UGT2B7: variants seen among roughly 807,000 people sequenced by gnomAD.
UGT2B7 encodes UDP glucuronosyltransferase family 2 member B7.
Under a neutral mutation model 51.9 loss-of-function variants are expected in UGT2B7, and 51 were observed. The ratio of observed to expected loss-of-function variants is 0.98; its 90% confidence interval spans 0.78 to 1.24. The LOEUF is 1.24. Ranked by LOEUF, UGT2B7 falls within the 50% of genes most tolerant of loss-of-function variation. The pLI, the probability that UGT2B7 is intolerant of heterozygous loss-of-function variation, is 0.00. For missense variants in UGT2B7, 727 were observed against 628.4 expected (o/e 1.16, Z -1.68); for synonymous variants, 225 against 211.6 (o/e 1.06, Z -0.55).
chr4:69,082,368 T>G (rs1718857933), intron 1 of UGT2B7, among the ~76,000 whole-genome samples: 1 of 150,596 alleles, frequency 6.6e-6, no homozygotes, highest in Admixed American at 6.7e-5. Context: ...AAGTTAAGCC[T>G]CTTGCATCAA....
Position 69,096,842 on chromosome 4 carries a change from T to C in UGT2B7, c.322T>C (p.Tyr108His). ...SDLPKDTFWL[Y>H]FSQVQEIMSI... ...CCTTCCAAAAGATACATTTTGGTTATATTTTTCACAAGTACAGGAAATCAT... is the reference window on the plus strand; with the variant it reads ...CCTTCCAAAAGATACATTTTGGTTACATTTTTCACAAGTACAGGAAATCAT... The change falls in exon 1 of 6, where the codon TAT (tyrosine) becomes CAT (histidine). Residue 108 changes from tyrosine to histidine, a missense_variant. Physicochemically the swap from Tyr to His is moderately conservative, Grantham distance 83. Coordinates refer to ENST00000305231, the MANE Select transcript of UGT2B7 (RefSeq NM_001074.4). The C allele has an allele frequency of 1.2e-6, 2 of 1,613,816 alleles. No homozygotes were observed. The highest frequency in any genetic ancestry group is 1.7e-6 in the Non-Finnish European group (2 of 1,179,886).
At chr4:69,077,261 C>A (rs1020894576) in intron 1 of UGT2B7, among the ~76,000 whole-genome samples, 12 of 151,076 alleles carry the variant, frequency 7.9e-5, no homozygotes, top group African/African-American at 2.9e-4. Context: ...CTTGGCTCTG[C>A]AGGCTCTTTT....
intron 1 of UGT2B7, among the ~76,000 whole-genome samples, chr4:69,079,596 C>T (rs1170739397): frequency 6.6e-6 from 1 of 151,944 alleles, no homozygotes; most frequent in South Asian, 2.1e-4. Context: ...ATTTTCATAC[C>T]TGAATTTTAC....
chr4:69,105,102 G>A (rs1320891560), intron 3 of UGT2B7, among the ~76,000 whole-genome samples: 5 of 152,132 alleles, frequency 3.3e-5, no homozygotes, highest in Admixed American at 6.6e-5. Flanking sequence ...ATCCTGCCCT[G>A]AAGGTGGACC....
intron 1 of UGT2B7, among the ~76,000 whole-genome samples, chr4:69,080,641 G>C (rs1192368942): frequency 6.6e-6 from 1 of 151,946 alleles, no homozygotes; most frequent in Non-Finnish European, 1.5e-5. Flanking sequence ...AATTGATCAG[G>C]GTTTTAAATA....
chr4:69,102,699 A>G, intron 2 of UGT2B7, 108 bp from the exon 3 acceptor site: 6 of 1,501,922 alleles, frequency 4.0e-6, no homozygotes, highest in Non-Finnish European at 5.4e-6. Context: ...TACTCCAATA[A>G]TTCCTCAAAA....
At chr4:69,062,951 T>G (rs1391199729) in intron 1 of UGT2B7, among the ~76,000 whole-genome samples, 2 of 152,132 alleles carry the variant, frequency 1.3e-5, no homozygotes, top group Non-Finnish European at 2.9e-5. Context: ...ATGCTACTGT[T>G]TGCTTTGTTT....
chr4:69,072,972 A>T (rs4694606), intron 1 of UGT2B7, among the ~76,000 whole-genome samples: 22,241 of 152,110 alleles, frequency 0.15, 1,936 homozygotes, highest in Admixed American at 0.27. Context: ...ACATTTTTGA[A>T]AGTGGGGGAA....
Position 69,108,100 on chromosome 4 carries a change from T to C in UGT2B7, c.1091-3T>C. On this transcript the variant is annotated splice_region_variant and splice_polypyrimidine_tract_variant and intron_variant, in intron 4 of 5. Coordinates refer to ENST00000305231, the MANE Select transcript of UGT2B7 (RefSeq NM_001074.4). ...AATTTTGCTAAAATTCATCCAATCCTAGGTCATCCAAAGACCAGAGCTTTT... is the reference window on the plus strand; with the variant it reads ...AATTTTGCTAAAATTCATCCAATCCCAGGTCATCCAAAGACCAGAGCTTTT... The C allele has an allele frequency of 6.2e-7, 1 of 1,613,454 alleles. No individual in the cohort carries two copies. The highest frequency in any genetic ancestry group is 1.7e-5 in the Admixed American group (1 of 59,996).
chr4:69,060,382 C>A (rs561371694), intron 1 of UGT2B7, among the ~76,000 whole-genome samples: 10 of 152,308 alleles, frequency 6.6e-5, no homozygotes, highest in Admixed American at 2.0e-4. Context: ...CCTGCTGCAT[C>A]TGGATCCCAA....
At chr4:69,106,819 G>A (rs1719614269) in intron 3 of UGT2B7, among the ~76,000 whole-genome samples, 1 of 149,632 alleles carries the variant, frequency 6.7e-6, no homozygotes, top group Non-Finnish European at 1.5e-5. Flanking sequence ...ATCTCATTAT[G>A]GTTTTGATTT....
At position 69,097,225 on chromosome 4, in the gene UGT2B7, T is replaced by G. The variant is rs1325084870; in HGVS notation, c.705T>G (p.Phe235Leu). 6.2e-7 allele frequency: 1 copy of G among 1,610,446 alleles called. No individual in the cohort carries two copies. Among genetic ancestry groups the G allele is most frequent in the Non-Finnish European group, 8.5e-7 (1 of 1,178,784 alleles). Reference protein sequence around the residue: ...EIFDMKKWDQFYSEVLGRPTT... With the variant: ...EIFDMKKWDQLYSEVLGRPTT... ...TTGACATGAAGAAGTGGGATCAGTT[T>G]TATAGTGAAGTTCTAGGTAAGTATT... is the stretch of plus-strand genomic sequence containing the variant. Residue 235 changes from phenylalanine (F) to leucine (L), a missense_variant, in exon 1 of 6, where the codon TTT (phenylalanine) becomes TTG (leucine). Physicochemically the swap from Phe to Leu is conservative, Grantham distance 22. Coordinates refer to ENST00000305231, the MANE Select transcript of UGT2B7 (RefSeq NM_001074.4).
intron 1 of UGT2B7, among the ~76,000 whole-genome samples, chr4:69,056,870 A>G (rs1405671560): frequency 1.3e-5 from 2 of 152,194 alleles, no homozygotes; most frequent in African/African-American, 4.8e-5. Context: ...GAAGGAAGAG[A>G]AAGACCCTCT....
At chr4:69,093,254 T>C (rs999048506), upstream of UGT2B7, among the ~76,000 whole-genome samples, 1 of 152,208 alleles carries the variant, frequency 6.6e-6, no homozygotes, top group Non-Finnish European at 1.5e-5. Context: ...AGAGTAGCTG[T>C]GTTGTGCTGG....
chr4:69,052,466 A>T (rs755404668), intron 1 of UGT2B7, among the ~76,000 whole-genome samples: 4 of 151,674 alleles, frequency 2.6e-5, no homozygotes, highest in Admixed American at 6.6e-5. Context: ...CTAAAAGTTA[A>T]CAGTGTAACA....
At chr4:69,073,349 T>C (rs1258366958) in intron 1 of UGT2B7, among the ~76,000 whole-genome samples, 1 of 152,218 alleles carries the variant, frequency 6.6e-6, no homozygotes, top group East Asian at 1.9e-4. Flanking sequence ...TTTGGATTTA[T>C]GATCCAGTGA....
At chr4:69,081,546 A>T (rs904839135) in intron 1 of UGT2B7, among the ~76,000 whole-genome samples, 2 of 152,122 alleles carry the variant, frequency 1.3e-5, no homozygotes, top group Non-Finnish European at 2.9e-5. Flanking sequence ...CAAGACCTCC[A>T]ATTTCAACCA....
chr4:69,058,344 T>A (rs1464071959), intron 1 of UGT2B7, among the ~76,000 whole-genome samples: 1 of 152,070 alleles, frequency 6.6e-6, no homozygotes, highest in African/African-American at 2.4e-5. Context: ...GAGCCCTCAC[T>A]CCAGGAAGTT....
rs141080882 is a variant in UGT2B7, at chr4:69,064,429, G to A, written c.-159+12827G>A. Among the ~76,000 whole-genome samples the A allele has an allele frequency of 5.2e-3, 798 of 152,298 alleles. 11 individuals are homozygous for A. The highest frequency in any genetic ancestry group is 0.018 in the African/African-American group (763 of 41,548). Reference sequence around the variant, plus strand: ...AAAGGTACTGCGAAGGTCATGAGACGCCTGAGAAGGCCTGAACTACAGCTG... The same window carrying A: ...AAAGGTACTGCGAAGGTCATGAGACACCTGAGAAGGCCTGAACTACAGCTG... On this transcript the variant is annotated intron_variant, in intron 1 of 5. Coordinates refer to the UGT2B7 transcript ENST00000502942.
Sources: allele counts gnomAD v4.1 joint callset (sites outside exome capture counted in the v4.1 genomes callset), GRCh38; gene constraint gnomAD v4.1.1; transcripts MANE v1.5; gene names NCBI Gene and HGNC (gene_info 2026-07-23, HGNC 2026-07-21).